PLCL2: variants seen among roughly 807,000 people sequenced by gnomAD.
The protein encoded by PLCL2 is phospholipase C like 2, also known as inactive phospholipase C-like protein 2.
In PLCL2, 4 loss-of-function variants were observed where a neutral mutation model predicts 79.6. The ratio of observed to expected loss-of-function variants is 0.05; its 90% CI spans 0.02 to 0.11. The LOEUF is 0.11. Ranked by LOEUF, PLCL2 falls within the 10% of genes least tolerant of loss-of-function variation. PLCL2 has a pLI of 1.00. For missense variants in PLCL2, 895 were observed against 1,291.0 expected (o/e 0.69, Z 4.70); for synonymous variants, 484 against 457.7 (o/e 1.06, Z -0.73).
chr3:17,017,330 G>A (rs933873281), intron 3 of PLCL2, among the ~76,000 whole-genome samples: 4 of 151,954 alleles, frequency 2.6e-5, no homozygotes, highest in East Asian at 1.9e-4. Flanking sequence ...CTAATTTATC[G>A]ATATGTTCTG....
rs149375146 is a variant in PLCL2, at chr3:17,059,450, G to GTGTGTATATATATATATACACT, written c.3095-8503_3095-8502insGTATATATATATATACACTTGT. On this transcript the variant is annotated intron_variant, in intron 4 of 5. Coordinates refer to ENST00000615277, the MANE Select transcript of PLCL2 (RefSeq NM_001144382.2). ...TGTGTGTATATATATATGTGTGTGT[G>GTGTGTATATATATATATACACT]TGTATATATATGTGTATATGTATTT... Among the ~76,000 whole-genome samples the GTGTGTATATATATATATACACT allele has an allele frequency of 7.9e-3, 1,167 of 147,176 alleles. 14 individuals carry two copies. Among genetic ancestry groups the GTGTGTATATATATATATACACT allele is most frequent in the Non-Finnish European group, 0.01 (680 of 67,438 alleles).
chr3:17,053,071 A>G (rs1575606240), intron 4 of PLCL2, among the ~76,000 whole-genome samples: 1 of 152,266 alleles, frequency 6.6e-6, no homozygotes, highest in South Asian at 2.1e-4. Context: ...TGGAAACCTG[A>G]GAGCCTTATA....
At position 17,062,585 on chromosome 3, in the gene PLCL2, C is replaced by T. The variant is rs150360376; in HGVS notation, c.3095-5371C>T. 1.2e-4 allele frequency among the ~76,000 whole-genome samples: 19 copies of T among 152,220 alleles called. 1 individual carries two copies. The East Asian group carries it at 3.5e-3, about 28-fold the overall frequency. On this transcript the variant is annotated intron_variant, in intron 4 of 5. Transcript: ENST00000615277. The stretch of plus-strand genomic sequence containing the variant: ...GGATGAAGCCATACTTTATTTGAGA[C>T]TTTTATAGTGCCATTTAGTTTAAAT...
At chr3:17,030,350 T>C (rs2064567477) in intron 3 of PLCL2, among the ~76,000 whole-genome samples, 2 of 152,186 alleles carry the variant, frequency 1.3e-5, no homozygotes, top group Admixed American at 1.3e-4. Context: ...ATTATGATTG[T>C]CATTATTAGT....
At position 17,084,559 on chromosome 3, in the gene PLCL2, G is replaced by T. The variant is rs182474852; in HGVS notation, c.3205-5174G>T. 4.2e-4 allele frequency among the ~76,000 whole-genome samples: 64 copies of T among 152,176 alleles called. 1 individual carries two copies. Among genetic ancestry groups the T allele is most frequent in the African/African-American group, 1.5e-3 (63 of 41,526 alleles). On this transcript the variant is annotated intron_variant, in intron 5 of 5. Transcript: ENST00000615277. The stretch of plus-strand genomic sequence containing the variant: ...ATATTAACAATTAAAATCCAAAAAT[G>T]AATAAAAAGAATTATTCACCATGAT...
chr3:17,037,091 A>G (rs1247650673), intron 3 of PLCL2, among the ~76,000 whole-genome samples: 1 of 152,192 alleles, frequency 6.6e-6, no homozygotes, highest in Non-Finnish European at 1.5e-5. Flanking sequence ...ATGGGAAAAA[A>G]TTACTTTGGA....
At chr3:16,893,402 A>G (rs2124915747) in intron 1 of PLCL2, among the ~76,000 whole-genome samples, 2 of 152,338 alleles carry the variant, frequency 1.3e-5, no homozygotes, top group Admixed American at 6.5e-5. Context: ...TTAGAATACA[A>G]TAATACAACA....
chr3:17,074,834 T>C (rs1206407153), intron 5 of PLCL2, among the ~76,000 whole-genome samples: 1 of 152,218 alleles, frequency 6.6e-6, no homozygotes, highest in Non-Finnish European at 1.5e-5. Context: ...CTCTTAGACT[T>C]CATAGAATTG....
intron 1 of PLCL2, among the ~76,000 whole-genome samples, chr3:16,980,784 C>T (rs1055030775): frequency 6.6e-6 from 1 of 152,200 alleles, no homozygotes; most frequent in Non-Finnish European, 1.5e-5. Context: ...CCAAGGCAGG[C>T]TGCTGGGAGG....
chr3:16,912,231 G>A (rs147625366), intron 1 of PLCL2, among the ~76,000 whole-genome samples: 48 of 151,828 alleles, frequency 3.2e-4, no homozygotes, highest in African/African-American at 1.1e-3. Flanking sequence ...AATACTTCAC[G>A]TCAGTTTTTT....
chr3:17,026,031 T>A (rs1271029092), intron 3 of PLCL2, among the ~76,000 whole-genome samples: 1 of 152,208 alleles, frequency 6.6e-6, no homozygotes, highest in Non-Finnish European at 1.5e-5. Context: ...TAACAGCTCC[T>A]GTTTTTCATT....
chr3:16,944,129 C>T (rs1014765348), intron 1 of PLCL2, among the ~76,000 whole-genome samples: 19 of 152,166 alleles, frequency 1.2e-4, no homozygotes, highest in African/African-American at 4.6e-4. Context: ...CTTATTGAGC[C>T]TCAGCTGCCT....
At chr3:17,068,486 AT>A (rs927433255) in intron 5 of PLCL2, among the ~76,000 whole-genome samples, 1 of 152,242 alleles carries the variant, frequency 6.6e-6, no homozygotes, top group African/African-American at 2.4e-5. Flanking sequence ...GATCCCAGAA[AT>A]AAATAGAAAA....
intron 1 of PLCL2, among the ~76,000 whole-genome samples, chr3:16,975,409 T>C (rs141159073): frequency 1.9e-4 from 29 of 152,340 alleles, no homozygotes; most frequent in African/African-American, 6.5e-4. Flanking sequence ...CTTTGAAATA[T>C]CTAGTGTAGA....
intron 2 of PLCL2, 88 bp downstream of exon 2, chr3:17,012,248 A>G (rs1369651212): frequency 4.4e-6 from 5 of 1,138,482 alleles, no homozygotes; most frequent in Non-Finnish European, 6.0e-6. Context: ...TTTTAATAAT[A>G]GTATATTTAA....
At chr3:17,079,317 A>G (rs2065139495) in intron 5 of PLCL2, among the ~76,000 whole-genome samples, 1 of 151,714 alleles carries the variant, frequency 6.6e-6, no homozygotes, top group South Asian at 2.1e-4. Flanking sequence ...GCTCACCTCC[A>G]CTGTCTGGAG....
intron 1 of PLCL2, among the ~76,000 whole-genome samples, chr3:16,937,191 T>A (rs2124947325): frequency 6.6e-6 from 1 of 152,270 alleles, no homozygotes; most frequent in Admixed American, 6.5e-5. Context: ...AGATCGGAGT[T>A]TGTATTTGAC....
At chr3:16,952,724 A>G (rs2063665950) in intron 1 of PLCL2, among the ~76,000 whole-genome samples, 1 of 152,066 alleles carries the variant, frequency 6.6e-6, no homozygotes, top group Admixed American at 6.6e-5. Flanking sequence ...TTGAGTGATG[A>G]TATAATTTAA....
At chr3:16,993,492 A>G (rs1417629584) in intron 1 of PLCL2, among the ~76,000 whole-genome samples, 1 of 152,122 alleles carries the variant, frequency 6.6e-6, no homozygotes. Context: ...TAATGGACTG[A>G]AGGGTCAGCT....
Sources: gnomAD v4.1 joint callset for allele counts (sites outside exome capture counted in the v4.1 genomes callset) on GRCh38, gnomAD v4.1.1 for gene constraint, MANE v1.5 for transcripts, NCBI Gene and HGNC (gene_info 2026-07-23, HGNC 2026-07-21) for gene names.